The following NUP214 variants were observed in gnomAD, a reference collection of about 807,000 sequenced individuals.
NUP214 encodes nucleoporin 214.
NUP214 carries 79 observed loss-of-function variants against 196.2 expected under a neutral mutation model. The observed-to-expected ratio is 0.40, with a 90% CI of 0.34 to 0.49. The LOEUF is 0.49. Among genes scored for constraint, NUP214 ranks in the 20% least tolerant of loss-of-function variants. NUP214 has a pLI of 0.58. For synonymous variants in NUP214, 1,020 were observed against 990.5 expected (o/e 1.03, Z -0.56); for missense variants, 2,468 against 2,539.0 (o/e 0.97, Z 0.60).
Position 131,233,708 on chromosome 9 carries a change from C to A in NUP214, c.*221C>A. The stretch of plus-strand genomic sequence containing the variant: ...TTAAACAGTCTGTTTCCGTACAGAA[C>A]GTATGTGGGTTTTTTCAGATCACAG... On this transcript the variant is annotated 3_prime_UTR_variant, in exon 36 of 36. Transcript: ENST00000359428. 3.4e-6 allele frequency: 2 copies of A among 580,754 alleles called. No homozygotes were observed. Among genetic ancestry groups the A allele is most frequent in the Admixed American group, 2.5e-5 (1 of 40,394 alleles). The allele number at this position is 580,754 out of a possible 1,614,324, so 36.0% of individuals were successfully genotyped here. A position where few individuals can be genotyped will look rare whatever the true frequency, so the allele number is the denominator to read the frequency against.
chr9:131,139,928 C>G (rs1052016256), intron 10 of NUP214, among the ~76,000 whole-genome samples: 1 of 152,158 alleles, frequency 6.6e-6, no homozygotes, highest in Admixed American at 6.5e-5. Context: ...AAAAGTGCCA[C>G]AAAAGAAACA....
At chr9:131,206,064 C>A (rs1392401535) in intron 30 of NUP214, among the ~76,000 whole-genome samples, 1 of 149,074 alleles carries the variant, frequency 6.7e-6, no homozygotes, top group Non-Finnish European at 1.5e-5. Context: ...TAATAGCTTA[C>A]AACTAGAAGC....
At position 131,150,332 on chromosome 9, in the gene NUP214, A is replaced by T; in HGVS notation, c.2049A>T (p.Ser683=). The T allele has an allele frequency of 6.2e-7, 1 of 1,614,136 alleles. No individual in the cohort carries two copies. Among genetic ancestry groups the T allele is most frequent in the Non-Finnish European group, 8.5e-7 (1 of 1,179,978 alleles). The stretch of plus-strand genomic sequence containing the variant: ...TTTTCCTTCCATTTCAGGCAAAGTC[A>T]CTTCAGCCTGCTGTTGCAGAAAAGC... ...AAKPGSPQAK[S]LQPAVAEKQG... Residue 683 remains serine (S), a synonymous_variant, in exon 15 of 36, where the codon TCA becomes TCT. Coordinates refer to ENST00000359428, the MANE Select transcript of NUP214 (RefSeq NM_005085.4).
chr9:131,159,514 G>A, intron 18 of NUP214, 28 bp downstream of exon 18: 3 of 1,498,824 alleles, frequency 2.0e-6, no homozygotes, highest in Non-Finnish European at 2.8e-6. Context: ...TCTGCAATGT[G>A]TTGGAATAGA....
At chr9:131,129,131 A>G (rs1010309571) in intron 3 of NUP214, 148 bp from the exon 4 acceptor site, 1 of 675,356 alleles carries the variant, frequency 1.5e-6, no homozygotes, top group African/African-American at 1.8e-5. Flanking sequence ...AAATAGATTG[A>G]TGCATAAAAC....
At chr9:131,161,957 G>C (rs998811662) in intron 18 of NUP214, among the ~76,000 whole-genome samples, 17 of 152,140 alleles carry the variant, frequency 1.1e-4, no homozygotes, top group Admixed American at 6.5e-5. Flanking sequence ...GGACAGCTTT[G>C]AATGCAATCC....
intron 30 of NUP214, 137 bp from the exon 31 acceptor site, chr9:131,215,075 G>A: frequency 6.0e-6 from 4 of 672,050 alleles, no homozygotes; most frequent in Non-Finnish European, 9.2e-6. Flanking sequence ...TTTTGTGGTG[G>A]TTAGAGCATT....
At chr9:131,133,311 T>TTTTG in intron 7 of NUP214, 102 bp downstream of exon 7, 1 of 661,392 alleles carries the variant, frequency 1.5e-6, no homozygotes, top group East Asian at 3.3e-5. Flanking sequence ...TGTGTTTTTT[T>TTTTG]TTTTTTTTTT....
In NUP214 at chr9:131,195,445, T is replaced by A. The variant is rs1388728397; in HGVS notation, c.3721+151T>A. 5 of 531,596 alleles carry A rather than the reference T, an allele frequency of 9.4e-6. No homozygotes were observed. In the East Asian group the frequency reaches 1.5e-4, roughly 16 times the overall value. The allele number at this position is 531,596 out of a possible 1,614,324, so 32.9% of individuals were successfully genotyped here. On this transcript the variant is annotated intron_variant, in intron 28 of 35. Transcript: ENST00000359428. ...GTGTTGATAATGTGCATTAGAAATA[T>A]GCTTAATTTAAGAAACTGATGTGAA...
Position 131,196,035 on chromosome 9 carries a change from C to A in NUP214, c.3721+741C>A, listed in dbSNP as rs951340179. ...GTGAAACTCTGTGTGTCCCCCCCCC[C>A]CCCCGCGCCAAAAAATCCATCAATA... On this transcript the variant is annotated intron_variant, in intron 28 of 35. Coordinates refer to ENST00000359428, the MANE Select transcript of NUP214 (RefSeq NM_005085.4). 8.1e-5 allele frequency among the ~76,000 whole-genome samples: 3 copies of A among 36,846 alleles called. 1 individual carries two copies. The highest frequency in any genetic ancestry group is 3.2e-3 in the South Asian group (2 of 622). 24.2% of individuals were successfully genotyped at this position (36,846 alleles called of 152,430 possible).
intron 21 of NUP214, among the ~76,000 whole-genome samples, chr9:131,172,092 T>C (rs1282504597): frequency 6.6e-6 from 1 of 151,346 alleles, no homozygotes; most frequent in African/African-American, 2.4e-5. Context: ...CTGGGTCAAA[T>C]GGTATTTCTA....
chr9:131,163,360 C>A, intron 19 of NUP214, 187 bp downstream of exon 19: 2 of 568,892 alleles, frequency 3.5e-6, no homozygotes, highest in Non-Finnish European at 6.0e-6. Flanking sequence ...ACAATACCTG[C>A]TTCGTGGGAT....
chr9:131,219,355 A>G (rs968532559), intron 31 of NUP214, among the ~76,000 whole-genome samples: 1 of 152,198 alleles, frequency 6.6e-6, no homozygotes, highest in South Asian at 2.1e-4. Context: ...ACATTTATGC[A>G]TGGAAAAGAC....
At chr9:131,233,089 A>G (rs1057255023) in intron 35 of NUP214, 13 of 153,346 alleles carry the variant, frequency 8.5e-5, no homozygotes, top group Non-Finnish European at 1.9e-4. Context: ...AGGTGGGCAG[A>G]TATTTGAGGT....
chr9:131,147,612 T>C (rs1327040618), intron 14 of NUP214, 28 bp downstream of exon 14: 1 of 1,513,992 alleles, frequency 6.6e-7, no homozygotes, highest in Admixed American at 1.7e-5. Context: ...TTGCAATGTT[T>C]GTGTTTATTA....
In NUP214 at chr9:131,129,454, C is replaced by T. The variant is rs151144457; in HGVS notation, c.569C>T (p.Pro190Leu). 49 of 1,614,102 alleles carry T rather than the reference C, an allele frequency of 3.0e-5. No homozygotes were observed. The highest frequency in any genetic ancestry group is 1.2e-4 in the Admixed American group (7 of 60,014). ...ACAGTGAAAGTATGTGCAACTCTTC[C>T]TTCCACGGTAGCAGTAACCTCTGGT... ...TETVKVCATL[P>L]STVAVTSVCW... The change falls in exon 4 of 36, where the codon CCT (proline) becomes CTT (leucine). Residue 190 changes from proline to leucine, a missense_variant. Physicochemically the swap from Pro to Leu is moderately conservative, Grantham distance 98 (BLOSUM62 -3). Around this residue, in one of 5 missense-constraint regions of NUP214, gnomAD observed 392 missense variants for 417.9 expected, o/e 0.94. Transcript: ENST00000359428.
At chr9:131,172,474 G>A (rs1192328355) in intron 21 of NUP214, among the ~76,000 whole-genome samples, 1 of 152,100 alleles carries the variant, frequency 6.6e-6, no homozygotes, top group Non-Finnish European at 1.5e-5. Context: ...AGATGAGTAG[G>A]TTGTGAAAAT....
At position 131,130,758 on chromosome 9, in the gene NUP214, T is replaced by C. The variant is rs1313053505; in HGVS notation, c.593-8T>C. 6.2e-7 allele frequency: 1 copy of C among 1,613,760 alleles called. No homozygotes were observed. Among genetic ancestry groups the C allele is most frequent in the Non-Finnish European group, 8.5e-7 (1 of 1,179,772 alleles). On this transcript the variant is annotated splice_region_variant and splice_polypyrimidine_tract_variant and intron_variant, in intron 4 of 35. Transcript: ENST00000359428. ...TTGTTTTCATTTGGTAATACTGTCT[T>C]TGCTCAGTGTGCTGGAGCCCCAAAG...
At chr9:131,139,252 C>CT (rs1831834419) in intron 9 of NUP214, 29 bp from the exon 10 acceptor site, 2 of 1,235,916 alleles carry the variant, frequency 1.6e-6, no homozygotes, top group African/African-American at 1.7e-5. Context: ...TCTTCTTCTT[C>CT]TTCTTTTTTT....
Sources: allele counts gnomAD v4.1 joint callset (sites outside exome capture counted in the v4.1 genomes callset), GRCh38; gene constraint gnomAD v4.1.1; regional missense constraint gnomAD v4.1.1; transcripts MANE v1.5; gene names NCBI Gene and HGNC (gene_info 2026-07-23, HGNC 2026-07-21).